Variants in CSMD1 observed in about 807,000 individuals in gnomAD.
CSMD1 encodes CUB and sushi domain-containing protein 1.
A neutral mutation model predicts 417.5 loss-of-function variants in CSMD1; 213 were observed. That is an observed-to-expected ratio of 0.51 (90% CI 0.46 to 0.57). CSMD1 has a LOEUF of 0.57. Ranked by LOEUF, CSMD1 falls within the 20% of genes least tolerant of loss-of-function variation. The pLI, the probability that CSMD1 is intolerant of heterozygous loss-of-function variation, is 0.00. For synonymous variants in CSMD1, 2,862 were observed against 1,736.8 expected (o/e 1.65, Z -16.11); for missense variants, 6,923 against 4,529.7 (o/e 1.53, Z -15.17).
At chr8:3,854,462 G>C (rs1321664395) in intron 5 of CSMD1, among the ~76,000 whole-genome samples, 1 of 152,012 alleles carries the variant, frequency 6.6e-6, no homozygotes, top group African/African-American at 2.4e-5. Flanking sequence ...AAAATTACTT[G>C]GCACACGTTA....
rs1420428620 is a variant in CSMD1 at position 4,317,563 on chromosome 8, CAAGTT to C, written c.415+102385_415+102389del. ...TTTCCAGAGATAGATTTAAAGTGTC[CAAGTT>C]AAGTGTCAGTACTCAAGAGAGAGAG... On this transcript the variant is annotated intron_variant, in intron 3 of 69. Coordinates refer to ENST00000635120, the MANE Select transcript of CSMD1 (RefSeq NM_033225.6). Among the ~76,000 whole-genome samples, 19 of 151,706 alleles carry C rather than the reference CAAGTT, an allele frequency of 1.3e-4. No individual in the cohort carries two copies. In the South Asian group the frequency reaches 3.7e-3, roughly 30 times the overall value.
intron 50 of CSMD1, among the ~76,000 whole-genome samples, chr8:3,036,106 TGTGA>T (rs965991237): frequency 5.9e-5 from 9 of 152,234 alleles, no homozygotes; most frequent in African/African-American, 2.2e-4. Flanking sequence ...TGCCCTGACT[TGTGA>T]GTGTTTCAGC....
chr8:4,757,496 G>T (rs140752936), intron 1 of CSMD1, among the ~76,000 whole-genome samples: 1 of 152,124 alleles, frequency 6.6e-6, no homozygotes, highest in African/African-American at 2.4e-5. Flanking sequence ...ACCGCAGCTA[G>T]GCACACTGCA....
intron 1 of CSMD1, among the ~76,000 whole-genome samples, chr8:4,925,578 G>C (rs1344241389): frequency 6.8e-6 from 1 of 146,414 alleles, no homozygotes; most frequent in Non-Finnish European, 1.5e-5. Flanking sequence ...ACGGAGTCTC[G>C]CTCTGTCTCC....
chr8:4,002,374 T>C (rs1815757383), intron 4 of CSMD1, among the ~76,000 whole-genome samples: 1 of 152,186 alleles, frequency 6.6e-6, no homozygotes, highest in South Asian at 2.1e-4. Context: ...AACAGCAACA[T>C]TTTAAACATA....
At chr8:4,178,121 C>G (rs1200224697) in intron 3 of CSMD1, among the ~76,000 whole-genome samples, 1 of 152,108 alleles carries the variant, frequency 6.6e-6, no homozygotes, top group Non-Finnish European at 1.5e-5. Context: ...GGCAGAGACA[C>G]AACCAAAAAA....
chr8:3,375,747 C>T (rs1020121948), intron 18 of CSMD1, among the ~76,000 whole-genome samples: 13 of 152,094 alleles, frequency 8.5e-5, no homozygotes, highest in Non-Finnish European at 1.0e-4. Flanking sequence ...GGGGTCCTCA[C>T]AGTGTGATCG....
chr8:4,581,927 A>C (rs141568609), intron 2 of CSMD1, among the ~76,000 whole-genome samples: 1 of 152,286 alleles, frequency 6.6e-6, no homozygotes, highest in Non-Finnish European at 1.5e-5. Context: ...CTCACAGTAC[A>C]GTCAGGTCAA....
At chr8:4,398,769 T>C (rs7014697) in intron 3 of CSMD1, among the ~76,000 whole-genome samples, 284 of 152,328 alleles carry the variant, frequency 1.9e-3, no homozygotes, top group African/African-American at 6.4e-3. Flanking sequence ...TTATCAAAAT[T>C]ATTGATCAGC....
At chr8:3,528,232 T>G (rs1327581306) in intron 10 of CSMD1, among the ~76,000 whole-genome samples, 1 of 152,258 alleles carries the variant, frequency 6.6e-6, no homozygotes, top group Admixed American at 6.5e-5. Flanking sequence ...TTTTGAATTA[T>G]GTGTTGTGGA....
At chr8:3,501,243 T>C (rs946755030) in intron 10 of CSMD1, among the ~76,000 whole-genome samples, 5 of 152,142 alleles carry the variant, frequency 3.3e-5, no homozygotes, top group African/African-American at 1.2e-4. Context: ...CATACACACA[T>C]GCTCACACAC....
intron 17 of CSMD1, among the ~76,000 whole-genome samples, chr8:3,391,086 A>G (rs1175453120): frequency 6.6e-6 from 1 of 152,144 alleles, no homozygotes; most frequent in Non-Finnish European, 1.5e-5. Flanking sequence ...GGCATGTTAT[A>G]TATACCTTTG....
intron 3 of CSMD1, among the ~76,000 whole-genome samples, chr8:4,166,603 G>A (rs1014664816): frequency 4.6e-5 from 7 of 152,220 alleles, no homozygotes; most frequent in African/African-American, 1.2e-4. Context: ...GGGGACTCAC[G>A]GTGAACTGTA....
At chr8:3,766,213 G>A (rs1425111478) in intron 5 of CSMD1, among the ~76,000 whole-genome samples, 1 of 152,192 alleles carries the variant, frequency 6.6e-6, no homozygotes, top group Admixed American at 6.5e-5. Flanking sequence ...GCACAGTGGT[G>A]CGCTTTCTTC....
chr8:4,218,233 C>G (rs565090941), intron 3 of CSMD1, among the ~76,000 whole-genome samples: 49 of 152,108 alleles, frequency 3.2e-4, no homozygotes, highest in African/African-American at 1.2e-3. Context: ...TATGAGTATC[C>G]CAGGGATGTA....
intron 8 of CSMD1, among the ~76,000 whole-genome samples, chr8:3,590,596 G>C (rs1003480212): frequency 6.6e-6 from 1 of 152,086 alleles, no homozygotes; most frequent in South Asian, 2.1e-4. Context: ...CCATAATTAC[G>C]ATCATGAAAC....
intron 7 of CSMD1, among the ~76,000 whole-genome samples, chr8:3,622,760 G>C (rs1037235270): frequency 2.7e-5 from 4 of 146,452 alleles, no homozygotes; most frequent in African/African-American, 1.0e-4. Flanking sequence ...TATGTGCAAG[G>C]AAATGATAGC....
At chr8:3,772,096 G>T (rs535454667) in intron 5 of CSMD1, among the ~76,000 whole-genome samples, 1 of 150,272 alleles carries the variant, frequency 6.7e-6, no homozygotes, top group African/African-American at 2.4e-5. Flanking sequence ...TGATATTAGG[G>T]TGATTTTGTG....
chr8:3,665,840 T>C lies in CSMD1; in HGVS notation c.1009+42574A>G, dbSNP rs549727553. On this transcript the variant is annotated intron_variant, in intron 7 of 69. Coordinates refer to ENST00000635120, the MANE Select transcript of CSMD1 (RefSeq NM_033225.6). ...TGAATGATCAACCCAAGGCTTAGGC[T>C]CCTGCATTTATGACCTCAGTGTTGG... Among the ~76,000 whole-genome samples, 20 of 152,266 alleles carry C rather than the reference T, an allele frequency of 1.3e-4. No homozygotes were observed. In the South Asian group the frequency reaches 4.1e-3, roughly 32 times the overall value.
Sources: allele counts gnomAD v4.1 joint callset (sites outside exome capture counted in the v4.1 genomes callset), GRCh38; gene constraint gnomAD v4.1.1; transcripts MANE v1.5; gene names NCBI Gene and HGNC (gene_info 2026-07-23, HGNC 2026-07-21).